Variants in TCF20 observed in about 807,000 individuals in gnomAD.
TCF20 encodes the protein transcription factor 20, also known as SPRE-binding protein.
In TCF20, 3 loss-of-function variants were observed where a neutral mutation model predicts 148.6. That is an observed-to-expected ratio of 0.02 (90% CI 0.01 to 0.05). The LOEUF is 0.05. Among genes scored for constraint, TCF20 ranks in the 10% least tolerant of loss-of-function variants. The probability of loss-of-function intolerance (pLI) is 1.00; values close to 1 mark genes in which losing one functional copy is unlikely to be tolerated. For missense variants in TCF20, 2,350 were observed against 2,429.3 expected (o/e 0.97, Z 0.69); for synonymous variants, 1,049 against 909.5 (o/e 1.15, Z -2.76).
intron 5 of TCF20, among the ~76,000 whole-genome samples, chr22:42,163,419 C>G (rs1251699315): frequency 6.6e-6 from 1 of 152,204 alleles, no homozygotes; most frequent in Non-Finnish European, 1.5e-5. Context: ...GTAATGGGAC[C>G]CTAACTTTTC....
intron 1 of TCF20, among the ~76,000 whole-genome samples, chr22:42,230,881 C>T (rs1229662339): frequency 1.3e-5 from 2 of 152,046 alleles, no homozygotes; most frequent in East Asian, 3.9e-4. Flanking sequence ...AAATATGGCT[C>T]GGTGAGGTGG....
At chr22:42,217,919 T>C (rs909557183) in intron 1 of TCF20, among the ~76,000 whole-genome samples, 4 of 152,266 alleles carry the variant, frequency 2.6e-5, no homozygotes, top group African/African-American at 9.6e-5. Flanking sequence ...GACAAGGGTC[T>C]ACTTCCTTAA....
At chr22:42,251,285 C>A (rs1238650325) in intron 1 of TCF20, among the ~76,000 whole-genome samples, 1 of 152,120 alleles carries the variant, frequency 6.6e-6, no homozygotes, top group Non-Finnish European at 1.5e-5. Context: ...CTCCCAGACC[C>A]AAGAGATCCT....
chr22:42,242,390 A>T (rs1250004745), intron 1 of TCF20, among the ~76,000 whole-genome samples: 3 of 151,934 alleles, frequency 2.0e-5, no homozygotes, highest in Non-Finnish European at 4.4e-5. Context: ...GGTGAATACA[A>T]AACAGATGGT....
chr22:42,226,956 G>A (rs924827364), intron 1 of TCF20, among the ~76,000 whole-genome samples: 5 of 152,134 alleles, frequency 3.3e-5, no homozygotes, highest in African/African-American at 1.2e-4. Flanking sequence ...AATTCTAATA[G>A]GTTCCAGTCA....
intron 2 of TCF20, among the ~76,000 whole-genome samples, chr22:42,192,708 C>A (rs1330703046): frequency 6.6e-6 from 1 of 152,202 alleles, no homozygotes; most frequent in Non-Finnish European, 1.5e-5. Context: ...TCAGTGGGGT[C>A]ATTTAATTTG....
chr22:42,315,386 T>C (rs1366313922), intron 1 of TCF20, among the ~76,000 whole-genome samples: 1 of 152,148 alleles, frequency 6.6e-6, no homozygotes, highest in Non-Finnish European at 1.5e-5. Context: ...AAGGACTCTC[T>C]GAAGGACAGG....
rs574949263 is a variant in TCF20 at position 42,212,689 on chromosome 22, G to A, written c.2617C>T (p.Leu873=). 1 of 1,614,208 alleles carries A rather than the reference G, an allele frequency of 6.2e-7. No individual in the cohort carries two copies. The highest frequency in any genetic ancestry group is 1.7e-5 in the Admixed American group (1 of 60,030). ...RRSVICDISP[L]RQIVRDPGAH... is the part of the protein sequence containing the mutation. ...CCTGGGTCCCTGACAATCTGTCTTA[G>A]TGGAGAAATATCACAGATCACTGAT... Residue 873 remains leucine (L), a synonymous_variant, in exon 2 of 6, where the codon CTA becomes TTA. Coordinates refer to ENST00000677622, the MANE Select transcript of TCF20 (RefSeq NM_001378418.1).
intron 1 of TCF20, among the ~76,000 whole-genome samples, chr22:42,245,453 G>A (rs958126927): frequency 6.6e-6 from 1 of 152,150 alleles, no homozygotes; most frequent in Non-Finnish European, 1.5e-5. Context: ...GATGCTATCT[G>A]GGAGGTTTCT....
At chr22:42,204,850 A>T (rs1289997752) in intron 2 of TCF20, among the ~76,000 whole-genome samples, 1 of 152,246 alleles carries the variant, frequency 6.6e-6, no homozygotes, top group Non-Finnish European at 1.5e-5. Flanking sequence ...CTCAAAATAA[A>T]AATAAAAATA....
chr22:42,307,778 C>G (rs1927461070), intron 1 of TCF20, among the ~76,000 whole-genome samples: 1 of 152,238 alleles, frequency 6.6e-6, no homozygotes, highest in Non-Finnish European at 1.5e-5. Flanking sequence ...CCATGGCTCT[C>G]TGAGCCTCGG....
At chr22:42,245,870 C>T (rs929923940) in intron 1 of TCF20, among the ~76,000 whole-genome samples, 10 of 152,112 alleles carry the variant, frequency 6.6e-5, no homozygotes, top group Admixed American at 2.0e-4. Flanking sequence ...CACCTCAGCC[C>T]CTGAATAGAT....
intron 1 of TCF20, among the ~76,000 whole-genome samples, chr22:42,289,052 T>A (rs1475214165): frequency 2.0e-5 from 3 of 152,086 alleles, no homozygotes; most frequent in African/African-American, 7.2e-5. Context: ...TTCCATCCAG[T>A]GAAGCAGTCA....
At chr22:42,227,282 A>T (rs887757962) in intron 1 of TCF20, among the ~76,000 whole-genome samples, 2 of 152,222 alleles carry the variant, frequency 1.3e-5, no homozygotes, top group Admixed American at 6.5e-5. Flanking sequence ...CTCTCAAAAA[A>T]AAATAGTAAT....
intron 1 of TCF20, among the ~76,000 whole-genome samples, chr22:42,294,240 A>T (rs898498486): frequency 6.6e-6 from 1 of 152,026 alleles, no homozygotes; most frequent in East Asian, 1.9e-4. Flanking sequence ...TAGAGCACAA[A>T]CCCTGCGTGC....
At chr22:42,231,471 C>G (rs1013235539) in intron 1 of TCF20, among the ~76,000 whole-genome samples, 3 of 151,306 alleles carry the variant, frequency 2.0e-5, no homozygotes, top group Non-Finnish European at 4.4e-5. Context: ...CAGAGTAAGA[C>G]CTTATCTCTA....
chr22:42,222,389 C>T (rs988407689), intron 1 of TCF20, among the ~76,000 whole-genome samples: 3 of 152,168 alleles, frequency 2.0e-5, no homozygotes, highest in Admixed American at 6.5e-5. Context: ...ATTCCATTCT[C>T]GTCACTGTCA....
intron 1 of TCF20, among the ~76,000 whole-genome samples, chr22:42,268,062 C>T (rs547296548): frequency 5.1e-4 from 77 of 152,218 alleles, no homozygotes; most frequent in African/African-American, 1.9e-3. Flanking sequence ...AGGAGAATCA[C>T]CTGAAACTGG....
chr22:42,289,733 A>G (rs894827766), intron 1 of TCF20, among the ~76,000 whole-genome samples: 6 of 152,178 alleles, frequency 3.9e-5, no homozygotes, highest in East Asian at 3.9e-4. Context: ...CAGTCCGCCA[A>G]TGGCTGCAAA....
Sources: gnomAD v4.1 joint callset for allele counts (sites outside exome capture counted in the v4.1 genomes callset) on GRCh38, gnomAD v4.1.1 for gene constraint, MANE v1.5 for transcripts, NCBI Gene and HGNC (gene_info 2026-07-23, HGNC 2026-07-21) for gene names.